The following ARHGEF12 variants were observed in gnomAD, a reference collection of about 807,000 sequenced individuals.
ARHGEF12 encodes the protein Rho guanine nucleotide exchange factor 12, also known as KMT2A/ARHGEF12 fusion protein.
ARHGEF12 carries 66 observed loss-of-function variants against 211.2 expected under a neutral mutation model. The ratio of observed to expected loss-of-function variants is 0.31; its 90% CI spans 0.26 to 0.38. The LOEUF (loss-of-function observed/expected upper bound fraction) is 0.38. Ranked by LOEUF, ARHGEF12 falls within the 10% of genes least tolerant of loss-of-function variation. The probability of loss-of-function intolerance (pLI) is 1.00; values close to 1 mark genes in which losing one functional copy is unlikely to be tolerated. For missense variants in ARHGEF12, 1,429 were observed against 1,869.5 expected, an observed-to-expected ratio of 0.76 and a Z score of 4.34; for synonymous variants, 592 against 638.4, an observed-to-expected ratio of 0.93 and a Z score of 1.09.
In ARHGEF12 at chr11:120,460,567, G is replaced by C. The variant is rs911422610; in HGVS notation, c.2528-105G>C. 7.8e-6 allele frequency: 6 copies of C among 767,834 alleles called. No homozygotes were observed. In the Admixed American group the frequency reaches 1.2e-4, roughly 16 times the overall value. 47.6% of individuals were successfully genotyped at this position (767,834 alleles called of 1,614,324 possible). The stretch of plus-strand genomic sequence containing the variant: ...GGAGATAAGAAGCAGCTGTACTACT[G>C]TGAAAATCGTCTTTATAAAAAAAAA... On this transcript the variant is annotated intron_variant, in intron 26 of 40. Coordinates refer to ENST00000397843, the MANE Select transcript of ARHGEF12 (RefSeq NM_015313.3).
chr11:120,482,829 C>T (rs1165103219), intron 39 of ARHGEF12, among the ~76,000 whole-genome samples: 1 of 152,022 alleles, frequency 6.6e-6, no homozygotes, highest in Admixed American at 6.5e-5. Context: ...ACACCAGAGA[C>T]TTGAGGGGTA....
chr11:120,452,076 G>T (rs547151249), intron 22 of ARHGEF12, among the ~76,000 whole-genome samples: 3 of 152,212 alleles, frequency 2.0e-5, no homozygotes, highest in Non-Finnish European at 4.4e-5. Context: ...GGTAAAGGGA[G>T]TATTGAGGGA....
chr11:120,448,144 A>G (rs1345440833), intron 19 of ARHGEF12, 90 bp from the exon 20 acceptor site: 5 of 998,422 alleles, frequency 5.0e-6, no homozygotes, highest in Admixed American at 4.6e-5. Context: ...AATAATTCCA[A>G]CCTTGGGGTT....
At chr11:120,381,107 A>C (rs1283048945) in intron 1 of ARHGEF12, among the ~76,000 whole-genome samples, 1 of 152,220 alleles carries the variant, frequency 6.6e-6, no homozygotes, top group African/African-American at 2.4e-5. Context: ...AAATGTAGTT[A>C]CTAGGTGTGC....
At chr11:120,386,920 G>A (rs1262483137) in intron 1 of ARHGEF12, among the ~76,000 whole-genome samples, 1 of 152,052 alleles carries the variant, frequency 6.6e-6, no homozygotes, top group Non-Finnish European at 1.5e-5. Context: ...AGACTCTAAA[G>A]CTCTTTCCAC....
chr11:120,364,862 G>GGCTTGAGT (rs1272601564), intron 1 of ARHGEF12, among the ~76,000 whole-genome samples: 1 of 139,810 alleles, frequency 7.2e-6, no homozygotes, highest in Non-Finnish European at 1.5e-5. Context: ...TTGTCGCCTA[G>GGCTTGAGT]GCTTGAGTGC....
chr11:120,449,448 C>A, intron 21 of ARHGEF12: 1 of 420,094 alleles, frequency 2.4e-6, no homozygotes, highest in Non-Finnish European at 4.3e-6. Flanking sequence ...CGCCTGTAAT[C>A]CCAGCAGTTT....
intron 1 of ARHGEF12, among the ~76,000 whole-genome samples, chr11:120,377,032 C>T (rs1289427841): frequency 6.6e-6 from 1 of 152,084 alleles, no homozygotes; most frequent in Non-Finnish European, 1.5e-5. Flanking sequence ...TTTCTTTATC[C>T]ATTTGTCTGT....
chr11:120,469,579 G>A (rs562620005), intron 30 of ARHGEF12, among the ~76,000 whole-genome samples, 191 bp downstream of exon 30: 1 of 152,300 alleles, frequency 6.6e-6, no homozygotes, highest in South Asian at 2.1e-4. Context: ...TTGACTTTTT[G>A]AAACACCTCA....
chr11:120,342,397 T>G (rs1029717033), intron 1 of ARHGEF12, among the ~76,000 whole-genome samples: 2 of 152,234 alleles, frequency 1.3e-5, no homozygotes, highest in African/African-American at 4.8e-5. Context: ...GTTACTTGTA[T>G]GTACTTGCTG....
intron 11 of ARHGEF12, among the ~76,000 whole-genome samples, chr11:120,433,871 C>T (rs1381995527): frequency 6.6e-6 from 1 of 152,002 alleles, no homozygotes; most frequent in Admixed American, 6.6e-5. Context: ...GGCAGGAGAA[C>T]TGCTTGAACC....
chr11:120,409,196 T>G, intron 3 of ARHGEF12, 198 bp from the exon 4 acceptor site: 2 of 551,472 alleles, frequency 3.6e-6, no homozygotes, highest in South Asian at 5.0e-5. Flanking sequence ...GCACTGTCTT[T>G]TCTTCGATAA....
In ARHGEF12 at chr11:120,481,383, A is replaced by G; in HGVS notation, c.4361A>G (p.Gln1454Arg). The G allele has an allele frequency of 2.5e-6, 4 of 1,614,226 alleles. No homozygotes were observed. The highest frequency in any genetic ancestry group is 3.4e-6 in the Non-Finnish European group (4 of 1,180,042). Residue 1454 changes from glutamine (Q) to arginine (R), a missense_variant, in exon 39 of 41, where the codon CAG becomes CGG. Physicochemically the swap from Gln to Arg is conservative, Grantham distance 43. Transcript: ENST00000397843. ...CCTGCTGTGGAATCCACCCACCAGC[A>G]GCAACATTCTCCTCAGAATACTCAC... ...GIPAVESTHQ[Q>R]QHSPQNTHSD...
At chr11:120,460,594 A>C in intron 26 of ARHGEF12, 78 bp from the exon 27 acceptor site, 1 of 1,230,996 alleles carries the variant, frequency 8.1e-7, no homozygotes. Flanking sequence ...AAAAAAAAAA[A>C]ATTAGCTACT....
intron 1 of ARHGEF12, among the ~76,000 whole-genome samples, chr11:120,343,032 A>G (rs1942584606): frequency 1.3e-5 from 2 of 151,216 alleles, no homozygotes; most frequent in African/African-American, 4.9e-5. Flanking sequence ...TTATTTCCAC[A>G]TGTTAGTGAA....
At chr11:120,337,799 C>T (rs1186340960) in intron 1 of ARHGEF12, 2 of 985,256 alleles carry the variant, frequency 2.0e-6, no homozygotes, top group African/African-American at 3.5e-5. Context: ...AATAACTTTC[C>T]AGAATGTTGA....
chr11:120,356,478 A>G (rs1943133584), intron 1 of ARHGEF12, among the ~76,000 whole-genome samples: 1 of 152,080 alleles, frequency 6.6e-6, no homozygotes, highest in Non-Finnish European at 1.5e-5. Flanking sequence ...TCAGCCTCCC[A>G]AAAGAGCTAG....
intron 9 of ARHGEF12, 53 bp from the exon 10 acceptor site, chr11:120,429,659 G>A (rs1945467207): frequency 6.3e-7 from 1 of 1,579,168 alleles, no homozygotes; most frequent in East Asian, 2.3e-5. Context: ...GACTATTTCT[G>A]TATCTTTTTT....
rs778497328 is a variant in ARHGEF12, at chr11:120,424,419, G to A, written c.406+4G>A. 1 of 1,612,198 alleles carries A rather than the reference G, an allele frequency of 6.2e-7. No homozygotes were observed. The highest frequency in any genetic ancestry group is 8.5e-7 in the Non-Finnish European group (1 of 1,178,838). On this transcript the variant is annotated splice_donor_region_variant and intron_variant, in intron 7 of 40. Transcript: ENST00000397843. ...GAGGTGGTGAAGCTAATCAAATGTA[G>A]GTGAATGTTATTCTTAGTTTTAATT...
Sources: allele counts gnomAD v4.1 joint callset (sites outside exome capture counted in the v4.1 genomes callset), GRCh38; gene constraint gnomAD v4.1.1; transcripts MANE v1.5; gene names NCBI Gene and HGNC (gene_info 2026-07-23, HGNC 2026-07-21).